UACA: variants seen among roughly 807,000 people sequenced by gnomAD.
UACA encodes nuclear membrane binding protein.
UACA carries 112 observed loss-of-function variants against 160.5 expected under a neutral mutation model. That is an observed-to-expected ratio of 0.70 (90% CI 0.60 to 0.82). The LOEUF is 0.82. Among genes scored for constraint, UACA ranks in the 40% least tolerant of loss-of-function variants. UACA has a pLI of 0.00. For missense variants in UACA, 1,574 were observed against 1,614.6 expected (o/e 0.97, Z 0.43); for synonymous variants, 557 against 568.4 (o/e 0.98, Z 0.29).
rs753438291 is a variant in UACA at position 70,668,515 on chromosome 15, A to G, written c.2169T>C (p.Tyr723=). Residue 723 remains tyrosine (Y), a synonymous_variant, in exon 16 of 19, where the codon TAT becomes TAC. Coordinates refer to ENST00000322954, the MANE Select transcript of UACA (RefSeq NM_018003.4). ...GCTCCTTGAGGAGCTTATTATCCAA[A>G]TAAACTTTTTCAATTTCCTTTTGTA... The part of the protein sequence containing the change: ...QTLQKEIEKV[Y]LDNKLLKEQA... 75 of 1,610,138 alleles carry G rather than the reference A, an allele frequency of 4.7e-5. No homozygotes were observed. In the Admixed American group the frequency reaches 1.2e-3, roughly 26 times the overall value.
intron 7 of UACA, among the ~76,000 whole-genome samples, chr15:70,685,378 T>C (rs894815611): frequency 1.3e-5 from 2 of 152,170 alleles, no homozygotes; most frequent in African/African-American, 4.8e-5. Flanking sequence ...CTGTCTTCAA[T>C]TGTGAATATT....
In UACA at chr15:70,668,316, C is replaced by T. The variant is rs1897007699; in HGVS notation, c.2368G>A (p.Asp790Asn). The change falls in exon 16 of 19, where the codon GAC (aspartate) becomes AAC (asparagine). Residue 790 changes from aspartate to asparagine, a missense_variant. By Grantham distance (23) the Asp-to-Asn change is conservative. Transcript: ENST00000322954. The stretch of plus-strand genomic sequence containing the variant: ...CGGCTTACATCCTTACTTAAGCTGT[C>T]ATTTTCCAGTAGCAATTTCTCCATT... ...LEMEKLLLEN[D>N]SLSKDVSRLE... The T allele has an allele frequency of 6.2e-7, 1 of 1,611,668 alleles. No homozygotes were observed.
intron 1 of UACA, among the ~76,000 whole-genome samples, chr15:70,743,904 T>C (rs1445832079): frequency 6.6e-6 from 1 of 152,006 alleles, no homozygotes; most frequent in Non-Finnish European, 1.5e-5. Context: ...ATAGGCCAAA[T>C]GAAAAACTAG....
rs180801798 is a variant in UACA at position 70,662,465 on chromosome 15, C to A, written c.4113+2197G>T. Among the ~76,000 whole-genome samples, 870 of 152,192 alleles carry A rather than the reference C, an allele frequency of 5.7e-3. 11 individuals carry two copies. Among genetic ancestry groups the A allele is most frequent in the South Asian group, 0.032 (154 of 4,816 alleles). ...GGTAATTTATAGATTCAATGCCATC[C>A]CCATCAAGCTACCAATGACTTTCTT... On this transcript the variant is annotated intron_variant, in intron 17 of 18. Coordinates refer to ENST00000322954, the MANE Select transcript of UACA (RefSeq NM_018003.4).
rs185665404 is a variant in UACA at position 70,706,572 on chromosome 15, C to T, written c.79-6912G>A. On this transcript the variant is annotated intron_variant, in intron 1 of 18. Coordinates refer to ENST00000322954, the MANE Select transcript of UACA (RefSeq NM_018003.4). ...TTACAGATACAAACATACTCATACA[C>T]ACAAACAAAACAAAAACCTGTTAGA... 4.0e-3 allele frequency among the ~76,000 whole-genome samples: 577 copies of T among 142,982 alleles called. 2 individuals carry two copies. Among genetic ancestry groups the T allele is most frequent in the African/African-American group, 0.014 (546 of 38,596 alleles). 93.8% of individuals were successfully genotyped at this position (142,982 alleles called of 152,430 possible). A position where few individuals can be genotyped will look rare whatever the true frequency, so the allele number is the denominator to read the frequency against.
chr15:70,777,818 G>C, the UACA span, among the ~76,000 whole-genome samples: 4 of 152,200 alleles, frequency 2.6e-5, no homozygotes, highest in Non-Finnish European at 5.9e-5. Context: ...GTTTTGCTGC[G>C]ACGGGGAGGG....
At chr15:70,755,153 TA>T (rs2030344208) in intron 1 of UACA, among the ~76,000 whole-genome samples, 3 of 152,208 alleles carry the variant, frequency 2.0e-5, no homozygotes. Flanking sequence ...TTCTTGGATC[TA>T]GTTTACCAAA....
rs764739595 is a variant in UACA, at chr15:70,668,636, T to C, written c.2048A>G (p.Lys683Arg). 1.9e-6 allele frequency: 3 copies of C among 1,613,976 alleles called. No individual in the cohort carries two copies. The African/African-American group carries it at 4.0e-5, about 22-fold the overall frequency. The change falls in exon 16 of 19, where the codon AAA (lysine) becomes AGA (arginine). Residue 683 changes from lysine (K) to arginine (R), a missense_variant. Physicochemically the swap from Lys to Arg is conservative, Grantham distance 26. Transcript: ENST00000322954. ...NVKAKLAQHV[K>R]PEEHEQVKSR... The stretch of plus-strand genomic sequence containing the variant: ...CTTAACCTGTTCATGTTCCTCTGGT[T>C]TGACGTGCTGAGCAAGCTTGGCCTT...
chr15:70,716,780 T>C (rs1012172793), intron 1 of UACA, among the ~76,000 whole-genome samples: 1 of 152,178 alleles, frequency 6.6e-6, no homozygotes, highest in Non-Finnish European at 1.5e-5. Flanking sequence ...CCCAAAGATA[T>C]GCAAGTATTC....
At chr15:70,664,054 A>G (rs759365346) in intron 17 of UACA, among the ~76,000 whole-genome samples, 22 of 152,190 alleles carry the variant, frequency 1.4e-4, no homozygotes, top group East Asian at 1.9e-4. Flanking sequence ...GTAATCAGTT[A>G]TTATTCTATT....
At chr15:70,720,947 A>C (rs761372511) in intron 1 of UACA, among the ~76,000 whole-genome samples, 3 of 152,206 alleles carry the variant, frequency 2.0e-5, no homozygotes, top group Non-Finnish European at 4.4e-5. Context: ...TGGCAGGTAG[A>C]GACAGAGGAT....
intron 1 of UACA, among the ~76,000 whole-genome samples, chr15:70,747,305 G>A (rs1043308774): frequency 4.9e-5 from 7 of 144,262 alleles, no homozygotes; most frequent in Non-Finnish European, 9.0e-5. Context: ...GTGCAGTGGC[G>A]TTATCTTGGC....
At chr15:70,698,983 T>A (rs1898231609) in intron 2 of UACA, among the ~76,000 whole-genome samples, 1 of 152,224 alleles carries the variant, frequency 6.6e-6, no homozygotes, top group South Asian at 2.1e-4. Context: ...TTATTACCTG[T>A]ATCTCCCTAA....
At chr15:70,754,715 G>A (rs2030310888) in intron 1 of UACA, among the ~76,000 whole-genome samples, 1 of 144,482 alleles carries the variant, frequency 6.9e-6, no homozygotes, top group East Asian at 1.9e-4. Context: ...ACAATATTTA[G>A]GATTTCTGAC....
intron 1 of UACA, among the ~76,000 whole-genome samples, chr15:70,762,046 T>G (rs1018081733): frequency 3.3e-5 from 5 of 150,884 alleles, no homozygotes; most frequent in Admixed American, 6.6e-5. Context: ...GCCAGTTACT[T>G]TTTTTAAAAA....
intron 17 of UACA, among the ~76,000 whole-genome samples, chr15:70,664,357 A>C (rs1177744745): frequency 6.6e-6 from 1 of 152,186 alleles, no homozygotes; most frequent in Non-Finnish European, 1.5e-5. Context: ...CCCAGGCATC[A>C]AATATGTTAT....
At chr15:70,709,102 C>T (rs1195175010) in intron 1 of UACA, among the ~76,000 whole-genome samples, 1 of 152,190 alleles carries the variant, frequency 6.6e-6, no homozygotes, top group Non-Finnish European at 1.5e-5. Flanking sequence ...AAAGTATTAA[C>T]ATATCAACAT....
In UACA at chr15:70,669,133, C is replaced by T; in HGVS notation, c.1551G>A (p.Gln517=). The change falls in exon 16 of 19, where the codon CAG becomes CAA. Residue 517 remains glutamine, a synonymous_variant. Coordinates refer to ENST00000322954, the MANE Select transcript of UACA (RefSeq NM_018003.4). The part of the protein sequence containing the change: ...YESEGKVKQM[Q]THFLALKEHL... ...GTTCTTTAAGGGCAAGAAAATGGGT[C>T]TGCATTTGTTTAACTTTACCTTCTG... 1 of 1,614,060 alleles carries T rather than the reference C, an allele frequency of 6.2e-7. No homozygotes were observed. Among genetic ancestry groups the T allele is most frequent in the South Asian group, 1.1e-5 (1 of 91,058 alleles).
At position 70,712,992 on chromosome 15, in the gene UACA, T is replaced by C. The variant is rs1487549898; in HGVS notation, c.79-13332A>G. Reference sequence around the variant, plus strand: ...CCCAAGTCTCTCTTCCCATGGAACTTGATGTTCTAATGAAGAAAGATAAGT... The same window carrying C: ...CCCAAGTCTCTCTTCCCATGGAACTCGATGTTCTAATGAAGAAAGATAAGT... On this transcript the variant is annotated intron_variant, in intron 1 of 18. Coordinates refer to ENST00000322954, the MANE Select transcript of UACA (RefSeq NM_018003.4). Among the ~76,000 whole-genome samples, 5 of 152,286 alleles carry C rather than the reference T, an allele frequency of 3.3e-5. No homozygotes were observed. In the East Asian group the frequency reaches 9.7e-4, roughly 29 times the overall value.
Sources: allele counts gnomAD v4.1 joint callset (sites outside exome capture counted in the v4.1 genomes callset), GRCh38; gene constraint gnomAD v4.1.1; transcripts MANE v1.5; gene names NCBI Gene and HGNC (gene_info 2026-07-23, HGNC 2026-07-21).